Variants in HTR7 observed in about 807,000 individuals in gnomAD.
HTR7 encodes 5-hydroxytryptamine receptor 7.
A neutral mutation model predicts 34.0 loss-of-function variants in HTR7; 16 were observed. The ratio of observed to expected loss-of-function variants is 0.47; its 90% CI spans 0.32 to 0.71. The LOEUF is 0.71. Ranked by LOEUF, HTR7 falls within the 30% of genes least tolerant of loss-of-function variation. The pLI, the probability that HTR7 is intolerant of heterozygous loss-of-function variation, is 0.04. For missense variants in HTR7, 504 were observed against 625.5 expected, an observed-to-expected ratio of 0.81 and a Z score of 2.07; for synonymous variants, 265 against 260.2, an observed-to-expected ratio of 1.02 and a Z score of -0.18.
intron 1 of HTR7, among the ~76,000 whole-genome samples, chr10:90,783,946 T>C (rs928361941): frequency 1.5e-4 from 23 of 152,220 alleles, no homozygotes; most frequent in African/African-American, 5.3e-4. Flanking sequence ...TTATCCTTTT[T>C]ATTCTATGAC....
chr10:90,854,165 C>T (rs1846544417), intron 1 of HTR7, among the ~76,000 whole-genome samples: 2 of 152,196 alleles, frequency 1.3e-5, no homozygotes, highest in South Asian at 4.1e-4. Context: ...CATGAGTTTG[C>T]CAACATGGCA....
chr10:90,857,692 C>T lies in HTR7; in HGVS notation c.-21G>A. ...ATCATCGCGCCGCCGTGTGCCGCTG[C>T]CCATGGAGCCGGCGCCCCGGCCACG... On this transcript the variant is annotated 5_prime_UTR_variant, in exon 1 of 4. Transcript: ENST00000336152. The surrounding 1 kb of genome is among the most constrained non-coding windows in gnomAD (Gnocchi z 6.5). 1 of 1,488,996 alleles carries T rather than the reference C, an allele frequency of 6.7e-7. No individual in the cohort carries two copies. The highest frequency in any genetic ancestry group is 8.8e-7 in the Non-Finnish European group (1 of 1,133,300). The allele number at this position is 1,488,996 out of a possible 1,614,324, so 92.2% of individuals were successfully genotyped here.
At chr10:90,779,456 C>T (rs1007221680) in intron 1 of HTR7, among the ~76,000 whole-genome samples, 11 of 152,310 alleles carry the variant, frequency 7.2e-5, no homozygotes, top group South Asian at 2.1e-4. Flanking sequence ...CCTGCCTCCA[C>T]CTGCTTTTTG....
intron 1 of HTR7, among the ~76,000 whole-genome samples, chr10:90,778,696 C>T (rs896392227): frequency 2.6e-5 from 4 of 152,198 alleles, no homozygotes; most frequent in African/African-American, 9.6e-5. Flanking sequence ...CAGAAACATA[C>T]ACTATATACT....
intron 1 of HTR7, among the ~76,000 whole-genome samples, chr10:90,806,931 G>C (rs1362824125): frequency 1.3e-5 from 2 of 152,162 alleles, no homozygotes; most frequent in Admixed American, 6.5e-5. Flanking sequence ...GTACCTCTGA[G>C]ACCTGTGATT....
intron 1 of HTR7, among the ~76,000 whole-genome samples, chr10:90,829,939 C>CA (rs1846138925): frequency 6.6e-6 from 1 of 151,964 alleles, no homozygotes; most frequent in Non-Finnish European, 1.5e-5. Flanking sequence ...AGAACACATA[C>CA]AAAAAAAGTT....
At chr10:90,823,389 G>C (rs1395984153) in intron 1 of HTR7, among the ~76,000 whole-genome samples, 1 of 152,214 alleles carries the variant, frequency 6.6e-6, no homozygotes, top group South Asian at 2.1e-4. Flanking sequence ...TGCCCTGCTG[G>C]GTTTCAGACT....
intron 1 of HTR7, among the ~76,000 whole-genome samples, chr10:90,759,370 G>C (rs897477096): frequency 6.6e-6 from 1 of 151,630 alleles, no homozygotes; most frequent in Admixed American, 6.6e-5. Flanking sequence ...TAAAACCAGG[G>C]AAAGGCCGGG....
chr10:90,831,077 T>C (rs936618825), intron 1 of HTR7, among the ~76,000 whole-genome samples: 3 of 152,198 alleles, frequency 2.0e-5, no homozygotes, highest in African/African-American at 4.8e-5. Flanking sequence ...TAAAATTCTG[T>C]ATCAATCAGG....
chr10:90,848,124 A>G, intron 1 of HTR7, among the ~76,000 whole-genome samples: 1 of 135,802 alleles, frequency 7.4e-6, no homozygotes, highest in Middle Eastern at 3.9e-3. Context: ...GCTGGAGTGC[A>G]ATGGCGCGAT....
In HTR7 at chr10:90,827,344, G is replaced by A. The variant is rs1287207953; in HGVS notation, c.539+29789C>T. Among the ~76,000 whole-genome samples, 4 of 152,120 alleles carry A rather than the reference G, an allele frequency of 2.6e-5. No individual in the cohort carries two copies. In the East Asian group the frequency reaches 7.7e-4, roughly 29 times the overall value. On this transcript the variant is annotated intron_variant, in intron 1 of 3. Coordinates refer to ENST00000336152, the MANE Select transcript of HTR7 (RefSeq NM_019859.4). ...GAGGATTGCTAGAGCACAGGAATTT[G>A]AGACCAGCCTGGGCAACAAAGTGAG...
intron 1 of HTR7, among the ~76,000 whole-genome samples, chr10:90,816,474 T>C (rs1845901233): frequency 6.6e-6 from 1 of 152,200 alleles, no homozygotes. Context: ...GTGACTTTTG[T>C]TTTGAATTAT....
chr10:90,743,511 C>T (rs189652436), intron 3 of HTR7, 82 bp downstream of exon 3: 306 of 1,114,380 alleles, frequency 2.7e-4, no homozygotes, highest in Admixed American at 7.5e-4. Flanking sequence ...CAGCTCAGCA[C>T]GGCTCTGCTC....
intron 1 of HTR7, among the ~76,000 whole-genome samples, chr10:90,835,103 G>A (rs1464931513): frequency 2.0e-5 from 3 of 152,192 alleles, no homozygotes; most frequent in Non-Finnish European, 4.4e-5. Flanking sequence ...AGGTTCTGGA[G>A]ATAAGGTTAG....
chr10:90,749,318 T>C lies in HTR7; in HGVS notation c.816A>G (p.Lys272=), dbSNP rs756214557. 1 of 1,614,164 alleles carries C rather than the reference T, an allele frequency of 6.2e-7. No individual in the cohort carries two copies. The highest frequency in any genetic ancestry group is 8.5e-7 in the Non-Finnish European group (1 of 1,180,034). ...IYKAARKSAA[K]HKFPGFPRVE... is the part of the protein sequence containing the mutation. ...CTCGAGGGAAGCCAGGAAACTTGTG[T>C]TTGGCAGCACTCTTCCTGGCAGCCT... The change falls in exon 2 of 4, where the codon AAA becomes AAG. Residue 272 remains lysine (K), a synonymous_variant. Transcript: ENST00000336152. The surrounding 1 kb of genome is among the most constrained non-coding windows in gnomAD (Gnocchi z 4.2).
intron 1 of HTR7, among the ~76,000 whole-genome samples, chr10:90,752,296 T>C (rs892221245): frequency 2.6e-5 from 4 of 152,094 alleles, no homozygotes; most frequent in African/African-American, 9.7e-5. Context: ...AGTGTGGAGA[T>C]GATGCAATTA....
chr10:90,778,640 T>C (rs1282912506), intron 1 of HTR7, among the ~76,000 whole-genome samples: 1 of 152,238 alleles, frequency 6.6e-6, no homozygotes, highest in Non-Finnish European at 1.5e-5. Context: ...GTCCCACTGC[T>C]ATGACTGCTC....
intron 1 of HTR7, among the ~76,000 whole-genome samples, chr10:90,758,490 A>C (rs1301616399): frequency 6.6e-6 from 1 of 152,168 alleles, no homozygotes; most frequent in African/African-American, 2.4e-5. Context: ...AGAAGGTGAC[A>C]GGTAAGGAGA....
intron 1 of HTR7, among the ~76,000 whole-genome samples, chr10:90,838,710 C>G (rs955060463): frequency 6.6e-6 from 1 of 152,188 alleles, no homozygotes; most frequent in African/African-American, 2.4e-5. Flanking sequence ...TCACACTGGC[C>G]CAGGGCCTTT....
Sources: allele counts gnomAD v4.1 joint callset (sites outside exome capture counted in the v4.1 genomes callset), GRCh38; gene constraint gnomAD v4.1.1; non-coding constraint Gnocchi (gnomAD v3.1); transcripts MANE v1.5; gene names NCBI Gene and HGNC (gene_info 2026-07-23, HGNC 2026-07-21).